Variants in XRRA1 observed in about 807,000 individuals in gnomAD.
The protein encoded by XRRA1 is X-ray radiation resistance-associated protein 1.
A neutral mutation model predicts 80.2 loss-of-function variants in XRRA1; 69 were observed. The observed-to-expected ratio is 0.86, with a 90% CI of 0.71 to 1.05. The LOEUF is 1.05. Ranked by LOEUF, XRRA1 falls within the 50% of genes least tolerant of loss-of-function variation. The pLI, the probability that XRRA1 is intolerant of heterozygous loss-of-function variation, is 0.00. For missense variants in XRRA1, 967 were observed against 976.4 expected, an observed-to-expected ratio of 0.99 and a Z score of 0.13; for synonymous variants, 348 against 389.9, an observed-to-expected ratio of 0.89 and a Z score of 1.27.
intron 10 of XRRA1, among the ~76,000 whole-genome samples, chr11:74,897,716 A>G (rs2052674684): frequency 6.6e-6 from 1 of 150,846 alleles, no homozygotes; most frequent in African/African-American, 2.5e-5. Flanking sequence ...TAAAAAAAAA[A>G]AAAAAAGAAA....
chr11:74,893,519 G>A lies in XRRA1; in HGVS notation c.1003+12720C>T, dbSNP rs151163488. ...GTATATATATGTAACTAACCTGCAC[G>A]TTGTGCACATGTACCCTAAAACTTG... On this transcript the variant is annotated intron_variant, in intron 10 of 18. Coordinates refer to ENST00000684022, the MANE Select transcript of XRRA1 (RefSeq NM_001378157.1). 8.2e-3 allele frequency among the ~76,000 whole-genome samples: 1,242 copies of A among 151,538 alleles called. 9 individuals carry two copies. The highest frequency in any genetic ancestry group is 0.023 in the South Asian group (108 of 4,784).
intron 10 of XRRA1, chr11:74,876,227 G>C (rs2046018844): frequency 6.6e-6 from 1 of 152,188 alleles, no homozygotes; most frequent in Non-Finnish European, 1.5e-5. Flanking sequence ...GGAGACCCCA[G>C]TCCTCAGGAA....
intron 8 of XRRA1, chr11:74,918,792 G>T (rs1293495787): frequency 6.6e-6 from 1 of 152,242 alleles, no homozygotes; most frequent in African/African-American, 2.4e-5. Flanking sequence ...CAGAGCCAGG[G>T]AGAAGCAACT....
intron 1 of XRRA1, among the ~76,000 whole-genome samples, chr11:74,946,330 C>A (rs1947518371): frequency 6.6e-6 from 1 of 152,142 alleles, no homozygotes; most frequent in Non-Finnish European, 1.5e-5. Flanking sequence ...TCCCCATAAT[C>A]CCCATGTGTT....
intron 12 of XRRA1, among the ~76,000 whole-genome samples, chr11:74,857,587 G>C (rs2041411740): frequency 6.6e-6 from 1 of 152,198 alleles, no homozygotes; most frequent in African/African-American, 2.4e-5. Flanking sequence ...GTACAGAGAA[G>C]ATCTGAGTGA....
At chr11:74,851,293 A>G (rs2039773220) in intron 13 of XRRA1, 90 bp from the exon 14 acceptor site, 1 of 932,232 alleles carries the variant, frequency 1.1e-6, no homozygotes, top group African/African-American at 1.7e-5. Flanking sequence ...ATTGCTTTAC[A>G]TGTATTACTG....
intron 12 of XRRA1, among the ~76,000 whole-genome samples, chr11:74,856,967 G>A (rs969830184): frequency 2.6e-5 from 4 of 152,084 alleles, no homozygotes; most frequent in Non-Finnish European, 4.4e-5. Flanking sequence ...CTGGGAGAGG[G>A]GTAGGACCAC....
intron 10 of XRRA1, among the ~76,000 whole-genome samples, chr11:74,878,619 C>G (rs1284000344): frequency 4.7e-5 from 7 of 150,414 alleles, no homozygotes; most frequent in Admixed American, 2.0e-4. Flanking sequence ...AGTCTTTAAT[C>G]CATCTTGAAT....
chr11:74,901,553 A>G (rs1207646453), intron 10 of XRRA1, among the ~76,000 whole-genome samples: 1 of 152,240 alleles, frequency 6.6e-6, no homozygotes, highest in Non-Finnish European at 1.5e-5. Flanking sequence ...CTATAAAGCT[A>G]CAGTAACCAA....
chr11:74,852,886 G>A (rs1418618310), intron 12 of XRRA1, among the ~76,000 whole-genome samples: 1 of 152,198 alleles, frequency 6.6e-6, no homozygotes, highest in African/African-American at 2.4e-5. Flanking sequence ...ACACTGAAAG[G>A]TATTGGGTCA....
chr11:74,841,193 T>C lies in XRRA1; in HGVS notation c.*2007A>G, dbSNP rs2036484317. On this transcript the variant is annotated 3_prime_UTR_variant, in exon 19 of 19. Transcript: ENST00000684022. ...ATTGGAAACTCATTATGGTCTTAAATTGTCCTCAGGCAGCCTTTTCCTCAT... is the reference window on the plus strand; with the variant it reads ...ATTGGAAACTCATTATGGTCTTAAACTGTCCTCAGGCAGCCTTTTCCTCAT... 1 of 152,204 alleles carries C rather than the reference T, an allele frequency of 6.6e-6. No homozygotes were observed. The highest frequency in any genetic ancestry group is 1.5e-5 in the Non-Finnish European group (1 of 68,034). The allele number at this position is 152,204 out of a possible 1,614,324, so 9.4% of individuals were successfully genotyped here.
rs922617626 is a variant in XRRA1 at position 74,944,771 on chromosome 11, T to C, written c.-5+247A>G. Among the ~76,000 whole-genome samples the C allele has an allele frequency of 8.5e-5, 13 of 152,308 alleles. 1 individual carries two copies. Among genetic ancestry groups the C allele is most frequent in the African/African-American group, 2.9e-4 (12 of 41,560 alleles). On this transcript the variant is annotated intron_variant, in intron 2 of 18. Transcript: ENST00000684022. Reference sequence around the variant, plus strand: ...ACTAAAAATATGTTGGTAAGATTAATGGATAGATGGATGGATGGGGACAAA... The same window carrying C: ...ACTAAAAATATGTTGGTAAGATTAACGGATAGATGGATGGATGGGGACAAA...
At chr11:74,944,478 A>G (rs983402664) in intron 2 of XRRA1, among the ~76,000 whole-genome samples, 6 of 152,360 alleles carry the variant, frequency 3.9e-5, no homozygotes, top group African/African-American at 1.4e-4. Context: ...AACAGATTCC[A>G]TAAATATTTG....
rs779850735 is a variant in XRRA1 at position 74,843,916 on chromosome 11, TG to T, written c.2086del (p.Gln696AsnfsTer21). 1 of 1,613,726 alleles carries T rather than the reference TG, an allele frequency of 6.2e-7. No individual in the cohort carries two copies. Among genetic ancestry groups the T allele is most frequent in the Non-Finnish European group, 8.5e-7 (1 of 1,179,798 alleles). ...PIPPPKKTRA[Q>X]LLDDIFIRLR... is the part of the protein sequence containing the mutation. Reference sequence around the variant, plus strand: ...GCGAATGAAGATGTCATCCAGAAGTTGGGCTCTAGTCTTCTTTGGGGGTGGA... The same window carrying T: ...GCGAATGAAGATGTCATCCAGAAGTTGGCTCTAGTCTTCTTTGGGGGTGGA... On this transcript the variant is annotated frameshift_variant, in exon 18 of 19. Transcript: ENST00000684022. LOFTEE classifies it high-confidence loss of function.
At chr11:74,880,686 A>C (rs1457146169) in intron 10 of XRRA1, among the ~76,000 whole-genome samples, 3 of 150,862 alleles carry the variant, frequency 2.0e-5, no homozygotes, top group Non-Finnish European at 4.5e-5. Context: ...GGTTTCAAAG[A>C]ACATCTTTAT....
intron 2 of XRRA1, among the ~76,000 whole-genome samples, chr11:74,943,177 G>A (rs1374733613): frequency 1.3e-5 from 2 of 152,226 alleles, no homozygotes; most frequent in East Asian, 3.8e-4. Flanking sequence ...TTTACAGTGA[G>A]TCAGAAATTC....
At chr11:74,870,200 C>T (rs1256791166) in intron 10 of XRRA1, among the ~76,000 whole-genome samples, 1 of 152,212 alleles carries the variant, frequency 6.6e-6, no homozygotes, top group African/African-American at 2.4e-5. Context: ...TAGTGAATCC[C>T]TCGGTACCCT....
chr11:74,918,715 T>G (rs1939660404), intron 8 of XRRA1: 1 of 152,234 alleles, frequency 6.6e-6, no homozygotes, highest in Non-Finnish European at 1.5e-5. Context: ...TTAACTACAC[T>G]TCCCAGACTG....
In XRRA1 at chr11:74,930,378, G is replaced by C; in HGVS notation, c.352-6C>G. On this transcript the variant is annotated splice_polypyrimidine_tract_variant and splice_region_variant and intron_variant, in intron 5 of 18. Transcript: ENST00000684022. ...TTGAAGTCATTTTCCTTGGCCTGTAGGAAAGCATTTCAGAAAAAAAAAAAA... is the reference window on the plus strand; with the variant it reads ...TTGAAGTCATTTTCCTTGGCCTGTACGAAAGCATTTCAGAAAAAAAAAAAA... 1 of 1,541,208 alleles carries C rather than the reference G, an allele frequency of 6.5e-7. No homozygotes were observed. The highest frequency in any genetic ancestry group is 2.4e-5 in the East Asian group (1 of 41,524).
Sources: allele counts gnomAD v4.1 joint callset (sites outside exome capture counted in the v4.1 genomes callset), GRCh38; gene constraint gnomAD v4.1.1; transcripts MANE v1.5; gene names NCBI Gene and HGNC (gene_info 2026-07-23, HGNC 2026-07-21).